GABRG3: variants seen among roughly 807,000 people sequenced by gnomAD.
The protein encoded by GABRG3 is gamma-aminobutyric acid type A receptor subunit gamma3.
Under a neutral mutation model 48.8 loss-of-function variants are expected in GABRG3, and 25 were observed. The ratio of observed to expected loss-of-function variants is 0.51; its 90% CI spans 0.37 to 0.72. GABRG3 has a LOEUF of 0.72. Among genes scored for constraint, GABRG3 ranks in the 30% least tolerant of loss-of-function variants. The pLI, the probability that GABRG3 is intolerant of heterozygous loss-of-function variation, is 0.00. For missense variants in GABRG3, 394 were observed against 577.9 expected (o/e 0.68, Z 3.26); for synonymous variants, 227 against 217.6 (o/e 1.04, Z -0.38).
intron 3 of GABRG3, among the ~76,000 whole-genome samples, chr15:27,201,905 A>G (rs1261622019): frequency 2.0e-5 from 3 of 152,252 alleles, no homozygotes; most frequent in Non-Finnish European, 4.4e-5. Flanking sequence ...AGCAATTTGC[A>G]CATCAGGGAA....
chr15:27,530,527 A>G (rs1426179579), intron 9 of GABRG3: 3 of 443,938 alleles, frequency 6.8e-6, no homozygotes, highest in Non-Finnish European at 1.4e-5. Flanking sequence ...AAGACATAAT[A>G]AGAGCTATTT....
At chr15:27,388,218 A>AAGGAAGGAAAGGAGGG (rs1321264839) in intron 5 of GABRG3, among the ~76,000 whole-genome samples, 1 of 47,916 alleles carries the variant, frequency 2.1e-5, no homozygotes. Context: ...GGAAAGGAGG[A>AAGGAAGGAAAGGAGGG]AGGAAGGAAA....
Position 27,147,145 on chromosome 15 carries a change from C to G in GABRG3, c.270+120324C>G, listed in dbSNP as rs113891905. On this transcript the variant is annotated intron_variant, in intron 3 of 9. Coordinates refer to ENST00000615808, the MANE Select transcript of GABRG3 (RefSeq NM_033223.5). ...AGAGAGCTGGGGTTGCTATATTAAT[C>G]TTGGACAAAGTAGACTTTAACACTA... 5.9e-3 allele frequency among the ~76,000 whole-genome samples: 891 copies of G among 151,980 alleles called. 10 individuals carry two copies. Among genetic ancestry groups the G allele is most frequent in the African/African-American group, 0.02 (836 of 41,496 alleles).
At chr15:27,204,596 A>G (rs1462572793) in intron 3 of GABRG3, among the ~76,000 whole-genome samples, 1 of 152,136 alleles carries the variant, frequency 6.6e-6, no homozygotes, top group East Asian at 1.9e-4. Context: ...GTAGTTTGAT[A>G]GAAATGGCAT....
intron 1 of GABRG3, among the ~76,000 whole-genome samples, chr15:26,972,761 A>G (rs1190706420): frequency 6.6e-6 from 1 of 152,164 alleles, no homozygotes; most frequent in Non-Finnish European, 1.5e-5. Flanking sequence ...GGGGGCCCCC[A>G]GTTCTCACTC....
At chr15:27,126,491 C>CTGGCTG (rs1334595163) in intron 3 of GABRG3, among the ~76,000 whole-genome samples, 1 of 152,158 alleles carries the variant, frequency 6.6e-6, no homozygotes, top group African/African-American at 2.4e-5. Flanking sequence ...AGGGCACTTC[C>CTGGCTG]TGGCTGTGGC....
At chr15:27,308,321 T>A in intron 3 of GABRG3, among the ~76,000 whole-genome samples, 1 of 142,354 alleles carries the variant, frequency 7.0e-6, no homozygotes, top group Non-Finnish European at 1.5e-5. Context: ...TATATAAACA[T>A]ACGTTTATAT....
chr15:26,997,169 C>T (rs779854821), intron 2 of GABRG3, among the ~76,000 whole-genome samples: 1 of 151,826 alleles, frequency 6.6e-6, no homozygotes, highest in Non-Finnish European at 1.5e-5. Flanking sequence ...CTATTTGGTT[C>T]CTCATATTAT....
Position 27,175,467 on chromosome 15 carries a change from G to C in GABRG3, c.270+148646G>C, listed in dbSNP as rs532553149. 1.1e-4 allele frequency among the ~76,000 whole-genome samples: 16 copies of C among 152,308 alleles called. No individual in the cohort carries two copies. In the South Asian group the frequency reaches 3.3e-3, roughly 32 times the overall value. The stretch of plus-strand genomic sequence containing the variant: ...CTTGTTTCTAAATATATCATCCATA[G>C]GTTTTCCAGGTTATCCTGTTAATCT... On this transcript the variant is annotated intron_variant, in intron 3 of 9. Transcript: ENST00000615808.
chr15:27,004,757 A>G (rs1419355883), intron 2 of GABRG3, among the ~76,000 whole-genome samples: 2 of 152,148 alleles, frequency 1.3e-5, no homozygotes, highest in Non-Finnish European at 2.9e-5. Flanking sequence ...CATTATGATA[A>G]ACAACACCAA....
chr15:27,060,276 A>G (rs1896622357), intron 3 of GABRG3, among the ~76,000 whole-genome samples: 1 of 152,216 alleles, frequency 6.6e-6, no homozygotes. Flanking sequence ...CACCTATTTG[A>G]ATGCAGCCCA....
At chr15:27,493,405 CAG>C (rs1314672668) in intron 6 of GABRG3, among the ~76,000 whole-genome samples, 1 of 151,922 alleles carries the variant, frequency 6.6e-6, no homozygotes, top group African/African-American at 2.4e-5. Context: ...TGAATTCACA[CAG>C]AGAGATTCAT....
In GABRG3 at chr15:27,216,749, T is replaced by TA. The variant is rs1470321877; in HGVS notation, c.271-110060_271-110059insA. Among the ~76,000 whole-genome samples the TA allele has an allele frequency of 2.3e-3, 277 of 120,756 alleles. 1 individual carries two copies. The highest frequency in any genetic ancestry group is 9.4e-3 in the East Asian group (30 of 3,184). The allele number at this position is 120,756 out of a possible 152,430, so 79.2% of individuals were successfully genotyped here. A position where few individuals can be genotyped will look rare whatever the true frequency, so the allele number is the denominator to read the frequency against. On this transcript the variant is annotated intron_variant, in intron 3 of 9. Transcript: ENST00000615808. The stretch of plus-strand genomic sequence containing the variant: ...AATTCATTTCTTTTTTTTTTTTTAT[T>TA]TTTTATTTATTTATTTATTTATTTT...
At chr15:27,521,605 A>G (rs1308583137) in intron 7 of GABRG3, among the ~76,000 whole-genome samples, 1 of 152,152 alleles carries the variant, frequency 6.6e-6, no homozygotes. Context: ...AGCTATTATA[A>G]CAATGAAGAC....
intron 2 of GABRG3, among the ~76,000 whole-genome samples, chr15:26,995,180 G>T (rs533648514): frequency 4.6e-5 from 7 of 151,962 alleles, no homozygotes; most frequent in African/African-American, 1.4e-4. Context: ...CAATACATAG[G>T]CTGTTTATCA....
At chr15:27,415,726 C>T (rs938793200) in intron 5 of GABRG3, among the ~76,000 whole-genome samples, 3 of 152,204 alleles carry the variant, frequency 2.0e-5, no homozygotes, top group African/African-American at 4.8e-5. Flanking sequence ...CTCATTCTGA[C>T]TCTTGCTCTG....
intron 3 of GABRG3, among the ~76,000 whole-genome samples, chr15:27,307,522 G>T (rs1161205031): frequency 1.2e-5 from 1 of 82,280 alleles, no homozygotes; most frequent in African/African-American, 4.6e-5. Flanking sequence ...TAGGTTTATA[G>T]GTTTATATAT....
chr15:27,191,400 G>A (rs1041945474), intron 3 of GABRG3, among the ~76,000 whole-genome samples: 3 of 152,132 alleles, frequency 2.0e-5, no homozygotes, highest in African/African-American at 7.2e-5. Flanking sequence ...TTATGAATCT[G>A]GGTGCTCCTG....
intron 5 of GABRG3, among the ~76,000 whole-genome samples, chr15:27,443,191 A>G (rs985054854): frequency 6.6e-6 from 1 of 152,200 alleles, no homozygotes; most frequent in Non-Finnish European, 1.5e-5. Context: ...ATATACCCAA[A>G]GGGAAGACCC....
Sources: gnomAD v4.1 joint callset for allele counts (sites outside exome capture counted in the v4.1 genomes callset) on GRCh38, gnomAD v4.1.1 for gene constraint, MANE v1.5 for transcripts, NCBI Gene and HGNC (gene_info 2026-07-23, HGNC 2026-07-21) for gene names.